Variants in ABCC1 observed in about 807,000 individuals in gnomAD.
ABCC1 encodes the protein multidrug resistance-associated protein 1.
In ABCC1, 83 loss-of-function variants were observed where a neutral mutation model predicts 172.9. The ratio of observed to expected loss-of-function variants is 0.48; its 90% CI spans 0.40 to 0.58. The LOEUF (loss-of-function observed/expected upper bound fraction) is 0.58. Ranked by LOEUF, ABCC1 falls within the 20% of genes least tolerant of loss-of-function variation. The pLI, the probability that ABCC1 is intolerant of heterozygous loss-of-function variation, is 0.00. For missense variants in ABCC1, 1,817 were observed against 2,002.7 expected (o/e 0.91, Z 1.77); for synonymous variants, 937 against 825.2 (o/e 1.14, Z -2.32).
At chr16:15,988,039 C>A (rs2046780642) in intron 1 of ABCC1, among the ~76,000 whole-genome samples, 1 of 152,144 alleles carries the variant, frequency 6.6e-6, no homozygotes, top group Non-Finnish European at 1.5e-5. Flanking sequence ...ATCACTGCAA[C>A]CTCCACCACC....
At chr16:16,057,588 T>C (rs2049720369) in intron 12 of ABCC1, among the ~76,000 whole-genome samples, 1 of 152,030 alleles carries the variant, frequency 6.6e-6, no homozygotes, top group Non-Finnish European at 1.5e-5. Context: ...TGTCCTCTCT[T>C]CCATCAGTTC....
At chr16:16,001,667 G>A (rs772601781) in intron 1 of ABCC1, among the ~76,000 whole-genome samples, 3 of 152,150 alleles carry the variant, frequency 2.0e-5, no homozygotes, top group Non-Finnish European at 2.9e-5. Context: ...AAGACCCTCA[G>A]TTTTACTCAT....
chr16:16,098,007 G>A (rs1392820637), intron 19 of ABCC1: 2 of 152,310 alleles, frequency 1.3e-5, no homozygotes, highest in Non-Finnish European at 2.9e-5. Flanking sequence ...CAGTGATGGA[G>A]GGCTGCTTGA....
chr16:16,083,500 G>C lies in ABCC1; in HGVS notation c.2250G>C (p.Leu750=), dbSNP rs530182430. The C allele has an allele frequency of 6.2e-7, 1 of 1,613,826 alleles. No individual in the cohort carries two copies. The highest frequency in any genetic ancestry group is 8.5e-7 in the Non-Finnish European group (1 of 1,179,980). Reference sequence around the variant, plus strand: ...AGGCCTGTGCCCTCCTCCCAGACCTGGAAATCCTGCCCAGTGGGGATCGGA... The same window carrying C: ...AGGCCTGTGCCCTCCTCCCAGACCTCGAAATCCTGCCCAGTGGGGATCGGA... The part of the protein sequence containing the change: ...VIQACALLPD[L]EILPSGDRTE... The change falls in exon 17 of 31, where the codon CTG becomes CTC. Residue 750 remains leucine, a synonymous_variant. Coordinates refer to ENST00000399410, the MANE Select transcript of ABCC1 (RefSeq NM_004996.4).
At chr16:16,045,766 A>G in intron 8 of ABCC1, 70 bp from the exon 9 acceptor site, 2 of 1,488,032 alleles carry the variant, frequency 1.3e-6, no homozygotes, top group Non-Finnish European at 1.8e-6. Flanking sequence ...TGCAGTGCCA[A>G]CACTGAAGCT....
chr16:16,128,664 A>C (rs1017077866), intron 26 of ABCC1, among the ~76,000 whole-genome samples: 59 of 152,208 alleles, frequency 3.9e-4, no homozygotes, highest in African/African-American at 1.4e-3. Context: ...TATGTACATA[A>C]ATTATAAAAT....
intron 20 of ABCC1, among the ~76,000 whole-genome samples, chr16:16,104,758 A>G (rs1017316163): frequency 6.6e-6 from 1 of 152,150 alleles, no homozygotes; most frequent in African/African-American, 2.4e-5. Context: ...GCAGGAGCCC[A>G]TAGCGGGGAG....
intron 1 of ABCC1, among the ~76,000 whole-genome samples, chr16:15,989,360 C>G (rs571817497): frequency 1.2e-4 from 18 of 152,310 alleles, no homozygotes; most frequent in Non-Finnish European, 1.5e-4. Flanking sequence ...CCTCATGGCC[C>G]TGCCAGCCGT....
In ABCC1 at chr16:16,142,186, G is replaced by A. The variant is rs916969833; in HGVS notation, c.*905G>A. On this transcript the variant is annotated 3_prime_UTR_variant, in exon 31 of 31. Coordinates refer to ENST00000399410, the MANE Select transcript of ABCC1 (RefSeq NM_004996.4). ...GATGTGGGGTAAATATTAAGGAGATGGCCTCATGGGAATTTGACCTTGACT... is the reference window on the plus strand; with the variant it reads ...GATGTGGGGTAAATATTAAGGAGATAGCCTCATGGGAATTTGACCTTGACT... 3 of 151,982 alleles carry A rather than the reference G, an allele frequency of 2.0e-5. No homozygotes were observed. Among genetic ancestry groups the A allele is most frequent in the African/African-American group, 4.8e-5 (2 of 41,328 alleles). 9.4% of individuals were successfully genotyped at this position (151,982 alleles called of 1,614,324 possible). A position where few individuals can be genotyped will look rare whatever the true frequency, so the allele number is the denominator to read the frequency against.
At chr16:16,119,062 A>T (rs1382819942) in intron 23 of ABCC1, among the ~76,000 whole-genome samples, 2 of 152,186 alleles carry the variant, frequency 1.3e-5, no homozygotes, top group Non-Finnish European at 1.5e-5. Context: ...AAATGCTAAT[A>T]CACAACAATT....
At chr16:16,115,895 C>G (rs1353658420) in intron 23 of ABCC1, among the ~76,000 whole-genome samples, 1 of 151,074 alleles carries the variant, frequency 6.6e-6, no homozygotes, top group Non-Finnish European at 1.5e-5. Flanking sequence ...TTCATTCTTT[C>G]TTTCTTTCTT....
At chr16:16,059,690 A>G (rs2049823563) in intron 12 of ABCC1, among the ~76,000 whole-genome samples, 2 of 152,142 alleles carry the variant, frequency 1.3e-5, no homozygotes, top group Middle Eastern at 3.4e-3. Flanking sequence ...CTGTGGTCAT[A>G]GCTACTCGGG....
chr16:16,000,799 C>G (rs534798261), intron 1 of ABCC1, among the ~76,000 whole-genome samples: 3 of 152,056 alleles, frequency 2.0e-5, no homozygotes, highest in African/African-American at 7.2e-5. Context: ...AGGAAATTGA[C>G]GGTGGACAAG....
intron 12 of ABCC1, among the ~76,000 whole-genome samples, chr16:16,061,613 TTG>T (rs1596445578): frequency 6.6e-6 from 1 of 152,230 alleles, no homozygotes; most frequent in South Asian, 2.1e-4. Flanking sequence ...TCCATGTTTC[TTG>T]TGTGTTTTTC....
At chr16:16,053,671 C>T (rs1420975412) in intron 11 of ABCC1, among the ~76,000 whole-genome samples, 1 of 150,116 alleles carries the variant, frequency 6.7e-6, no homozygotes, top group Non-Finnish European at 1.5e-5. Flanking sequence ...CCTGTAGTCC[C>T]AGCTACTTGG....
At chr16:16,026,474 T>C (rs1284117773) in intron 5 of ABCC1, among the ~76,000 whole-genome samples, 1 of 111,666 alleles carries the variant, frequency 9.0e-6, no homozygotes, top group Non-Finnish European at 1.8e-5. Flanking sequence ...CCTTTTTTTT[T>C]TTTTTTTTTT....
intron 5 of ABCC1, among the ~76,000 whole-genome samples, chr16:16,029,131 T>C (rs1190441807): frequency 6.6e-6 from 1 of 152,214 alleles, no homozygotes; most frequent in Non-Finnish European, 1.5e-5. Flanking sequence ...GGCTGTGTAT[T>C]TGAATCACTG....
chr16:16,094,295 C>G (rs991884522), intron 19 of ABCC1: 1 of 264,594 alleles, frequency 3.8e-6, no homozygotes, highest in African/African-American at 2.3e-5. Context: ...CAGTGTGACT[C>G]TCTGTATTTT....
At position 16,122,039 on chromosome 16, in the gene ABCC1, A is replaced by G; in HGVS notation, c.3455A>G (p.Tyr1152Cys). The G allele has an allele frequency of 6.2e-7, 1 of 1,614,102 alleles. No homozygotes were observed. ...RLESVSRSPV[Y>C]SHFNETLLGV... ...GAGTCGGTCAGCCGCTCCCCGGTCT[A>G]TTCCCATTTCAACGAGACCTTGCTG... The change falls in exon 24 of 31, where the codon TAT (tyrosine) becomes TGT (cysteine). Residue 1152 changes from tyrosine (Y) to cysteine (C), a missense_variant. Transcript: ENST00000399410.
Sources: allele counts gnomAD v4.1 joint callset (sites outside exome capture counted in the v4.1 genomes callset), GRCh38; gene constraint gnomAD v4.1.1; transcripts MANE v1.5; gene names NCBI Gene and HGNC (gene_info 2026-07-23, HGNC 2026-07-21).